The following CSTL1 variants were observed in gnomAD, a reference collection of about 807,000 sequenced individuals.
The protein encoded by CSTL1 is cystatin like 1, also known as cystatin-like 1.
In CSTL1, 14 loss-of-function variants were observed where a neutral mutation model predicts 14.4. The observed-to-expected ratio is 0.97, with a 90% CI of 0.64 to 1.52. The LOEUF is 1.52. CSTL1 is among the 40% of genes most tolerant of loss of function. CSTL1 has a pLI of 0.00. For synonymous variants in CSTL1, 72 were observed against 67.5 expected (o/e 1.07, Z -0.33); for missense variants, 170 against 168.7 (o/e 1.01, Z -0.04).
the CSTL1 span, chr20:23,457,764 G>A: frequency 6.6e-6 from 1 of 152,186 alleles, no homozygotes; most frequent in Non-Finnish European, 1.5e-5. Flanking sequence ...CCGTAGAGGT[G>A]ACTCCCATAT....
chr20:23,459,690 A>T, the CSTL1 span, among the ~76,000 whole-genome samples: 200 of 152,352 alleles, frequency 1.3e-3, 1 homozygote, highest in Middle Eastern at 6.8e-3. Context: ...ATGGCGCAGG[A>T]TTTAGTTTTA....
At chr20:23,443,751 T>A (rs574910020) in intron 2 of CSTL1, among the ~76,000 whole-genome samples, 183 bp from the exon 3 acceptor site, 160 of 152,292 alleles carry the variant, frequency 1.1e-3, no homozygotes, top group African/African-American at 3.8e-3. Context: ...ACCAGGGGCT[T>A]TGGCTGCCAT....
rs770314191 is a variant in CSTL1, at chr20:23,440,473, G to A, written c.206G>A (p.Arg69Gln). The A allele has an allele frequency of 2.5e-6, 4 of 1,612,658 alleles. No homozygotes were observed. The highest frequency in any genetic ancestry group is 2.2e-5 in the East Asian group (1 of 44,888). The change falls in exon 2 of 4, where the codon CGA becomes CAA. Residue 69 changes from arginine (R) to glutamine (Q), a missense_variant. Physicochemically the swap from Arg to Gln is conservative, Grantham distance 43. Coordinates refer to ENST00000347397, the MANE Select transcript of CSTL1 (RefSeq NM_138283.1). ...TTATATCGAGTCCAGAGGCTAATTC[G>A]AAGTCAGATGCAGGTTTGTACCTTG... ...TYLYRVQRLIRSQMQLTTGVE... is the reference protein window; with the variant it reads ...TYLYRVQRLIQSQMQLTTGVE...
the CSTL1 span, chr20:23,452,649 A>G: frequency 6.2e-7 from 1 of 1,613,940 alleles, no homozygotes; most frequent in Non-Finnish European, 8.5e-7. Context: ...TCCTTGTTAT[A>G]CTGGTCGGTG....
At chr20:23,450,419 A>T in the CSTL1 span, 1 of 815,404 alleles carries the variant, frequency 1.2e-6, no homozygotes, top group Non-Finnish European at 1.9e-6. Context: ...GAATATGTTG[A>T]CAAACATTTA....
the CSTL1 span, chr20:23,451,699 T>C: frequency 1.4e-6 from 1 of 720,314 alleles, no homozygotes; most frequent in Admixed American, 2.5e-5. Flanking sequence ...TACCCATGCA[T>C]TCTTTTCAAG....
the CSTL1 span, among the ~76,000 whole-genome samples, chr20:23,459,851 T>C: frequency 6.6e-6 from 1 of 152,330 alleles, no homozygotes; most frequent in African/African-American, 2.4e-5. Context: ...CACTCTTCAC[T>C]GACTCCATCC....
the CSTL1 span, among the ~76,000 whole-genome samples, chr20:23,449,970 G>A: frequency 1.3e-5 from 2 of 152,100 alleles, no homozygotes; most frequent in Non-Finnish European, 2.9e-5. Flanking sequence ...CAAAAATAAG[G>A]CACATCTCTC....
At chr20:23,455,562 G>A in the CSTL1 span, among the ~76,000 whole-genome samples, 1 of 152,224 alleles carries the variant, frequency 6.6e-6, no homozygotes, top group Non-Finnish European at 1.5e-5. Context: ...GTCAATGTCT[G>A]TGGGGTCTGA....
At chr20:23,452,883 A>C in the CSTL1 span, 1 of 1,223,740 alleles carries the variant, frequency 8.2e-7, no homozygotes, top group Non-Finnish European at 1.2e-6. Context: ...CACTGACCCT[A>C]CCTGCCCTGG....
chr20:23,442,211 A>T (rs2123312571), intron 2 of CSTL1: 1 of 152,366 alleles, frequency 6.6e-6, no homozygotes, highest in Non-Finnish European at 1.5e-5. Flanking sequence ...GCCTCTGGGC[A>T]CCCCCACACC....
chr20:23,453,630 T>C, the CSTL1 span, among the ~76,000 whole-genome samples: 27,274 of 152,096 alleles, frequency 0.18, 4,529 homozygotes, highest in African/African-American at 0.43. Flanking sequence ...GCAGGCTTAG[T>C]GCGGTTATGT....
downstream of CSTL1, among the ~76,000 whole-genome samples, chr20:23,447,467 CTTTTTTT>C (rs34114094): frequency 1.5e-5 from 2 of 136,808 alleles, no homozygotes; most frequent in African/African-American, 5.5e-5. Context: ...TTTTCTTTTT[CTTTTTTT>C]TTTTTTTTTG....
At position 23,444,746 on chromosome 20, in the gene CSTL1, G is replaced by C; in HGVS notation, c.331-25G>C. ...GCCTTTGAAAAATACTTCCCCCAAA[G>C]TCTGTTTTCTTTCTTCTTCTACAGA... is the stretch of plus-strand genomic sequence containing the variant. On this transcript the variant is annotated intron_variant, in intron 3 of 3. Coordinates refer to ENST00000347397, the MANE Select transcript of CSTL1 (RefSeq NM_138283.1). The C allele has an allele frequency of 2.0e-6, 3 of 1,509,476 alleles. No individual in the cohort carries two copies. In the South Asian group the frequency reaches 3.4e-5, roughly 17 times the overall value. The allele number at this position is 1,509,476 out of a possible 1,614,324, so 93.5% of individuals were successfully genotyped here.
At chr20:23,443,802 CT>C in intron 2 of CSTL1, 131 bp from the exon 3 acceptor site, 1 of 645,966 alleles carries the variant, frequency 1.5e-6, no homozygotes. Flanking sequence ...GGGAGCCATG[CT>C]TTTGGTGGGT....
At chr20:23,456,872 C>T in the CSTL1 span, among the ~76,000 whole-genome samples, 2 of 152,118 alleles carry the variant, frequency 1.3e-5, no homozygotes, top group African/African-American at 4.8e-5. Context: ...CTGGTTCTCC[C>T]CAGCATGTCT....
chr20:23,449,789 T>C (rs1431642434), downstream of CSTL1, among the ~76,000 whole-genome samples: 1 of 152,168 alleles, frequency 6.6e-6, no homozygotes, highest in African/African-American at 2.4e-5. Flanking sequence ...TTGGGAAGAA[T>C]GAACTGGGCA....
intron 2 of CSTL1, 56 bp downstream of exon 2, chr20:23,440,542 AT>A (rs1426795187): frequency 4.5e-6 from 6 of 1,343,442 alleles, no homozygotes; most frequent in Non-Finnish European, 5.4e-6. Context: ...CAGTTCAGAC[AT>A]GTGAGGATTC....
chr20:23,442,938 C>T (rs1269266654), intron 2 of CSTL1, among the ~76,000 whole-genome samples: 1 of 152,214 alleles, frequency 6.6e-6, no homozygotes, highest in Non-Finnish European at 1.5e-5. Flanking sequence ...CTGTTAGTCT[C>T]CCTTCTGGGC....
Sources: gnomAD v4.1 joint callset for allele counts (sites outside exome capture counted in the v4.1 genomes callset) on GRCh38, gnomAD v4.1.1 for gene constraint, MANE v1.5 for transcripts, NCBI Gene and HGNC (gene_info 2026-07-23, HGNC 2026-07-21) for gene names.